The following HPCAL4 variants were observed in gnomAD, a reference collection of about 807,000 sequenced individuals.
HPCAL4 encodes hippocalcin like 4.
Under a neutral mutation model 18.2 loss-of-function variants are expected in HPCAL4, and 16 were observed. The ratio of observed to expected loss-of-function variants is 0.88; its 90% CI spans 0.59 to 1.33. HPCAL4 has a LOEUF of 1.33. HPCAL4 is among the 40% of genes most tolerant of loss of function. The probability of loss-of-function intolerance (pLI) is 0.00; values close to 1 mark genes in which losing one functional copy is unlikely to be tolerated. For synonymous variants in HPCAL4, 80 were observed against 97.5 expected (o/e 0.82, Z 1.06); for missense variants, 214 against 256.6 (o/e 0.83, Z 1.14).
Position 39,679,625 on chromosome 1 carries a change from C to T in HPCAL4, c.*2911G>A, listed in dbSNP as rs6703320. ...AAATCTCTGCCAGCCTTGTGCTTTGCGGCAAGTCTCTCTCAGCTGGTGCAG... is the reference window on the plus strand; with the variant it reads ...AAATCTCTGCCAGCCTTGTGCTTTGTGGCAAGTCTCTCTCAGCTGGTGCAG... On this transcript the variant is annotated 3_prime_UTR_variant, in exon 4 of 4. Coordinates refer to ENST00000372844, the MANE Select transcript of HPCAL4 (RefSeq NM_016257.4). 0.47 allele frequency: 71,511 copies of T among 152,104 alleles called. 16,969 individuals carry two copies. The highest frequency in any genetic ancestry group is 0.56 in the Admixed American group (8,491 of 15,288). 9.4% of individuals were successfully genotyped at this position (152,104 alleles called of 1,614,324 possible). A position where few individuals can be genotyped will look rare whatever the true frequency, so the allele number is the denominator to read the frequency against.
At chr1:39,687,221 C>T (rs888507028) in intron 1 of HPCAL4, among the ~76,000 whole-genome samples, 4 of 152,230 alleles carry the variant, frequency 2.6e-5, no homozygotes, top group African/African-American at 9.6e-5. Context: ...CTTCAGGAAC[C>T]TGAGGCTGGG....
rs1242474181 is a variant in HPCAL4, at chr1:39,682,518, C to G, written c.*18G>C. 8 of 1,613,538 alleles carry G rather than the reference C, an allele frequency of 5.0e-6. No individual in the cohort carries two copies. In the African/African-American group the frequency reaches 6.7e-5, roughly 13 times the overall value. On this transcript the variant is annotated 3_prime_UTR_variant, in exon 4 of 4. Coordinates refer to ENST00000372844, the MANE Select transcript of HPCAL4 (RefSeq NM_016257.4). The stretch of plus-strand genomic sequence containing the variant: ...GGCCATGCCCCTTCTGGCCAGGGAC[C>G]CTGCCCCTCACCAGCTTCTACTTCT...
In HPCAL4 at chr1:39,682,269, C is replaced by G. The variant is rs1373858488; in HGVS notation, c.*267G>C. On this transcript the variant is annotated 3_prime_UTR_variant, in exon 4 of 4. Coordinates refer to ENST00000372844, the MANE Select transcript of HPCAL4 (RefSeq NM_016257.4). ...TTAACCTCACCTCCTGGGGCAAAAG[C>G]CAACTCCCCTATGCCCAATGGACAT... is the stretch of plus-strand genomic sequence containing the variant. 1 of 466,834 alleles carries G rather than the reference C, an allele frequency of 2.1e-6. No homozygotes were observed. The allele number at this position is 466,834 out of a possible 1,614,324, so 28.9% of individuals were successfully genotyped here. A position where few individuals can be genotyped will look rare whatever the true frequency, so the allele number is the denominator to read the frequency against.
intron 2 of HPCAL4, 64 bp downstream of exon 2, chr1:39,684,378 C>G: frequency 6.6e-7 from 1 of 1,514,784 alleles, no homozygotes; most frequent in African/African-American, 1.4e-5. Context: ...CTCCCTCACC[C>G]CCGGTTCCTC....
Position 39,684,179 on chromosome 1 carries a change from G to A in HPCAL4, c.163-27C>T, listed in dbSNP as rs749964247. On this transcript the variant is annotated intron_variant, in intron 2 of 3. Transcript: ENST00000372844. ...TGAGGGGGGTGCGGTGGGTTGGGGCGCAGCGACAGCCCCGCCCACCCCGCC... is the reference window on the plus strand; with the variant it reads ...TGAGGGGGGTGCGGTGGGTTGGGGCACAGCGACAGCCCCGCCCACCCCGCC... 9 of 1,558,660 alleles carry A rather than the reference G, an allele frequency of 5.8e-6. No individual in the cohort carries two copies. In the South Asian group the frequency reaches 1.0e-4, roughly 18 times the overall value.
Position 39,684,431 on chromosome 1 carries a change from C to A in HPCAL4, c.162+11G>T. 1 of 1,418,302 alleles carries A rather than the reference C, an allele frequency of 7.1e-7. No individual in the cohort carries two copies. The highest frequency in any genetic ancestry group is 9.3e-7 in the Non-Finnish European group (1 of 1,080,360). The allele number at this position is 1,418,302 out of a possible 1,614,324, so 87.9% of individuals were successfully genotyped here. The stretch of plus-strand genomic sequence containing the variant: ...TACTTGGCTCCCTCACACCAGGTGC[C>A]GGCCGCCCACCTTGATGTAGAGCTG... On this transcript the variant is annotated intron_variant, in intron 2 of 3. Coordinates refer to ENST00000372844, the MANE Select transcript of HPCAL4 (RefSeq NM_016257.4).
At chr1:39,688,585 C>A (rs1218029540) in intron 1 of HPCAL4, among the ~76,000 whole-genome samples, 1 of 152,124 alleles carries the variant, frequency 6.6e-6, no homozygotes, top group Non-Finnish European at 1.5e-5. Flanking sequence ...GAGGGAATGG[C>A]TTTTTCCCCC....
intron 1 of HPCAL4, among the ~76,000 whole-genome samples, chr1:39,686,429 G>A (rs912087864): frequency 3.9e-5 from 6 of 152,210 alleles, no homozygotes; most frequent in Non-Finnish European, 8.8e-5. Flanking sequence ...GTAGAGCAGG[G>A]AGGGGCCTGC....
chr1:39,680,326 G>T lies in HPCAL4; in HGVS notation c.*2210C>A, dbSNP rs1646614555. On this transcript the variant is annotated 3_prime_UTR_variant, in exon 4 of 4. Transcript: ENST00000372844. ...TTCCTCTCTGAATCTCAGCTTCCAAGTCTAGAGAAAAGAAGTGAAAATCCT... is the reference window on the plus strand; with the variant it reads ...TTCCTCTCTGAATCTCAGCTTCCAATTCTAGAGAAAAGAAGTGAAAATCCT... 1 of 152,158 alleles carries T rather than the reference G, an allele frequency of 6.6e-6. No individual in the cohort carries two copies. Among genetic ancestry groups the T allele is most frequent in the South Asian group, 2.1e-4 (1 of 4,828 alleles). 9.4% of individuals were successfully genotyped at this position (152,158 alleles called of 1,614,324 possible).
chr1:39,682,420 G>T lies in HPCAL4; in HGVS notation c.*116C>A. On this transcript the variant is annotated 3_prime_UTR_variant, in exon 4 of 4. Coordinates refer to ENST00000372844, the MANE Select transcript of HPCAL4 (RefSeq NM_016257.4). The stretch of plus-strand genomic sequence containing the variant: ...AGGAAGGGCTTGGGCAGAGGACTGG[G>T]TGGGCCAGAGAGGGGGGCTGGAGTG... 2 of 888,294 alleles carry T rather than the reference G, an allele frequency of 2.3e-6. No individual in the cohort carries two copies. The highest frequency in any genetic ancestry group is 3.6e-6 in the Non-Finnish European group (2 of 561,000). The allele number at this position is 888,294 out of a possible 1,614,324, so 55.0% of individuals were successfully genotyped here. A position where few individuals can be genotyped will look rare whatever the true frequency, so the allele number is the denominator to read the frequency against.
At chr1:39,687,456 G>C (rs1253845916) in intron 1 of HPCAL4, among the ~76,000 whole-genome samples, 1 of 152,244 alleles carries the variant, frequency 6.6e-6, no homozygotes, top group Non-Finnish European at 1.5e-5. Context: ...GGCTGGGTCT[G>C]TGTGTGGGAG....
intron 1 of HPCAL4, among the ~76,000 whole-genome samples, chr1:39,684,872 C>T (rs749864298): frequency 6.6e-6 from 1 of 152,204 alleles, no homozygotes; most frequent in Non-Finnish European, 1.5e-5. Flanking sequence ...CATCCTCTCC[C>T]CTCCTGCTCA....
rs572951128 is a variant in HPCAL4, at chr1:39,684,177, G to A, written c.163-25C>T. On this transcript the variant is annotated intron_variant, in intron 2 of 3. Coordinates refer to ENST00000372844, the MANE Select transcript of HPCAL4 (RefSeq NM_016257.4). Reference sequence around the variant, plus strand: ...ACTGAGGGGGGTGCGGTGGGTTGGGGCGCAGCGACAGCCCCGCCCACCCCG... The same window carrying A: ...ACTGAGGGGGGTGCGGTGGGTTGGGACGCAGCGACAGCCCCGCCCACCCCG... The A allele has an allele frequency of 8.2e-6, 13 of 1,577,868 alleles. No homozygotes were observed. The African/African-American group carries it at 1.3e-4, about 15-fold the overall frequency.
chr1:39,689,623 A>G (rs975517498), intron 1 of HPCAL4, among the ~76,000 whole-genome samples: 2 of 152,198 alleles, frequency 1.3e-5, no homozygotes, highest in Admixed American at 1.3e-4. Context: ...TTACCTCTTG[A>G]GGGCTGTCCT....
intron 1 of HPCAL4, 74 bp from the exon 2 acceptor site, chr1:39,684,685 GC>G: frequency 7.5e-7 from 1 of 1,329,954 alleles, no homozygotes; most frequent in South Asian, 1.6e-5. Flanking sequence ...CCCCTCCCCT[GC>G]CACACACAGG....
rs1396955896 is a variant in HPCAL4 at position 39,680,280 on chromosome 1, G to A, written c.*2256C>T. On this transcript the variant is annotated 3_prime_UTR_variant, in exon 4 of 4. Coordinates refer to ENST00000372844, the MANE Select transcript of HPCAL4 (RefSeq NM_016257.4). ...TAGCCCTGTGTCACCTCCTGACTAT[G>A]TGATCTTGCACAAGGGATGCTTCCT... is the stretch of plus-strand genomic sequence containing the variant. 2 of 152,240 alleles carry A rather than the reference G, an allele frequency of 1.3e-5. No individual in the cohort carries two copies. The highest frequency in any genetic ancestry group is 2.9e-5 in the Non-Finnish European group (2 of 68,048). The allele number at this position is 152,240 out of a possible 1,614,324, so 9.4% of individuals were successfully genotyped here.
chr1:39,683,754 C>T (rs1446020041), intron 3 of HPCAL4, among the ~76,000 whole-genome samples, 183 bp downstream of exon 3: 2 of 152,202 alleles, frequency 1.3e-5, no homozygotes, highest in Non-Finnish European at 2.9e-5. Flanking sequence ...CAGTAACCAA[C>T]CCCTCCGCCC....
At chr1:39,686,280 G>C (rs1646674764) in intron 1 of HPCAL4, among the ~76,000 whole-genome samples, 1 of 152,190 alleles carries the variant, frequency 6.6e-6, no homozygotes, top group South Asian at 2.1e-4. Context: ...GAGCCTGGGA[G>C]GCAGGGGTTG....
In HPCAL4 at chr1:39,684,573, C is replaced by T. The variant is rs1480818442; in HGVS notation, c.31G>A (p.Glu11Lys). Residue 11 changes from glutamate to lysine, a missense_variant, in exon 2 of 4, where the codon GAG becomes AAG. Coordinates refer to ENST00000372844, the MANE Select transcript of HPCAL4 (RefSeq NM_016257.4). MGKTNSKLAP[E>K]VLEDLVQNTE... ...TTCTGAACAAGGTCCTCCAGCACCT[C>T]GGGGGCCAGCTTGCTGTTGGTCTTC... is the stretch of plus-strand genomic sequence containing the variant. 1.2e-6 allele frequency: 2 copies of T among 1,608,284 alleles called. No homozygotes were observed. The highest frequency in any genetic ancestry group is 8.5e-7 in the Non-Finnish European group (1 of 1,177,184).
Sources: gnomAD v4.1 joint callset for allele counts (sites outside exome capture counted in the v4.1 genomes callset) on GRCh38, gnomAD v4.1.1 for gene constraint, MANE v1.5 for transcripts, NCBI Gene and HGNC (gene_info 2026-07-23, HGNC 2026-07-21) for gene names.